WARS2: variants seen among roughly 807,000 people sequenced by gnomAD.
WARS2 encodes the protein tryptophan--tRNA ligase, mitochondrial.
A neutral mutation model predicts 36.5 loss-of-function variants in WARS2; 28 were observed. That is an observed-to-expected ratio of 0.77 (90% CI 0.57 to 1.05). The LOEUF (loss-of-function observed/expected upper bound fraction) is 1.05, where lower values mean the gene tolerates loss of function less well. Among genes scored for constraint, WARS2 ranks in the 50% least tolerant of loss-of-function variants. WARS2 has a pLI of 0.00. For synonymous variants in WARS2, 174 were observed against 178.4 expected, an observed-to-expected ratio of 0.98 and a Z score of 0.20; for missense variants, 435 against 456.8, an observed-to-expected ratio of 0.95 and a Z score of 0.44.
At chr1:119,100,774 C>T (rs1653798838) in intron 1 of WARS2, among the ~76,000 whole-genome samples, 1 of 152,126 alleles carries the variant, frequency 6.6e-6, no homozygotes, top group South Asian at 2.1e-4. Flanking sequence ...GATTCACCCA[C>T]CTCAGCCTCC....
At chr1:119,085,401 G>A (rs1652564291) in intron 1 of WARS2, 1 of 1,415,770 alleles carries the variant, frequency 7.1e-7, no homozygotes, top group South Asian at 1.2e-5. Context: ...CTTGCTTCTG[G>A]GTGACGAAGA....
At chr1:119,047,519 G>C (rs186409037) in intron 2 of WARS2, 20 of 152,254 alleles carry the variant, frequency 1.3e-4, no homozygotes, top group African/African-American at 4.8e-4. Context: ...GATCTTCCTG[G>C]TGTTTCCAAA....
chr1:119,085,041 C>T (rs587672770), intron 1 of WARS2: 28 of 673,974 alleles, frequency 4.2e-5, no homozygotes, highest in South Asian at 2.7e-4. Context: ...CTCCTGCTCC[C>T]GGCAGCGCTG....
chr1:119,096,421 C>T (rs35732418), intron 1 of WARS2, among the ~76,000 whole-genome samples: 8,463 of 152,166 alleles, frequency 0.056, 258 homozygotes, highest in South Asian at 0.081. Context: ...TACCATATCC[C>T]TTTTGCAGTA....
At chr1:119,133,524 C>A (rs1398046032) in intron 1 of WARS2, among the ~76,000 whole-genome samples, 1 of 152,162 alleles carries the variant, frequency 6.6e-6, no homozygotes, top group African/African-American at 2.4e-5. Context: ...TTTAACCTCC[C>A]AACATCGTCA....
chr1:119,106,915 C>T (rs928454145), intron 1 of WARS2, among the ~76,000 whole-genome samples: 1 of 152,188 alleles, frequency 6.6e-6, no homozygotes, highest in African/African-American at 2.4e-5. Context: ...TACTATTTTG[C>T]ATTCCCACCA....
At chr1:119,089,187 T>C (rs1348350468) in intron 1 of WARS2, among the ~76,000 whole-genome samples, 2 of 152,168 alleles carry the variant, frequency 1.3e-5, no homozygotes, top group Non-Finnish European at 2.9e-5. Context: ...TAAAATAGTT[T>C]ACAAAAAAGG....
intron 1 of WARS2, among the ~76,000 whole-genome samples, chr1:119,113,264 A>G (rs1455072705): frequency 2.0e-5 from 3 of 152,198 alleles, no homozygotes; most frequent in African/African-American, 7.2e-5. Context: ...GTATACTGCT[A>G]GGGCCTAGAA....
intron 1 of WARS2, among the ~76,000 whole-genome samples, chr1:119,124,296 C>A (rs753484571): frequency 7.2e-5 from 11 of 152,114 alleles, no homozygotes; most frequent in Non-Finnish European, 1.5e-4. Flanking sequence ...ATTTCGAGAC[C>A]AGCCTGACCA....
At chr1:119,105,010 G>C (rs1654135719) in intron 1 of WARS2, among the ~76,000 whole-genome samples, 1 of 152,176 alleles carries the variant, frequency 6.6e-6, no homozygotes. Flanking sequence ...TCTAGATCAA[G>C]AAATGATAGA....
intron 1 of WARS2, among the ~76,000 whole-genome samples, chr1:119,117,255 C>A (rs1655031136): frequency 6.6e-6 from 1 of 152,122 alleles, no homozygotes; most frequent in African/African-American, 2.4e-5. Flanking sequence ...CCTCCATCCC[C>A]CATAGTGGCT....
chr1:119,085,137 G>T, intron 1 of WARS2: 1 of 786,688 alleles, frequency 1.3e-6, no homozygotes. Flanking sequence ...GTACGGGCTA[G>T]AAAGTGTGCC....
chr1:119,114,336 G>C (rs1654833663), intron 1 of WARS2, among the ~76,000 whole-genome samples: 2 of 152,206 alleles, frequency 1.3e-5, no homozygotes, highest in Admixed American at 6.5e-5. Context: ...ACAATGCTTA[G>C]CAGGGATAAT....
At chr1:119,130,634 C>T (rs1452568170) in intron 1 of WARS2, among the ~76,000 whole-genome samples, 1 of 152,118 alleles carries the variant, frequency 6.6e-6, no homozygotes, top group East Asian at 1.9e-4. Context: ...AAAATGCACA[C>T]AAAAATGTAT....
At chr1:119,113,880 C>G (rs1401159703) in intron 1 of WARS2, among the ~76,000 whole-genome samples, 2 of 152,032 alleles carry the variant, frequency 1.3e-5, no homozygotes, top group African/African-American at 4.8e-5. Flanking sequence ...TAGCTCTTTT[C>G]ATTTACAATA....
At chr1:119,064,167 TTTGGAGCTTTAAGA>T (rs1650638245) in intron 2 of WARS2, 1 of 148,436 alleles carries the variant, frequency 6.7e-6, no homozygotes, top group Non-Finnish European at 1.5e-5. Context: ...AGGAGATCAT[TTTGGAGCTTTAAGA>T]TTTGACTGCC....
chr1:119,079,363 T>C (rs1296356632), intron 1 of WARS2, among the ~76,000 whole-genome samples: 1 of 152,158 alleles, frequency 6.6e-6, no homozygotes, highest in African/African-American at 2.4e-5. Flanking sequence ...TGGCCCTTTA[T>C]ACGTATCAAT....
At chr1:119,090,501 G>C (rs1652967319) in intron 1 of WARS2, among the ~76,000 whole-genome samples, 1 of 152,194 alleles carries the variant, frequency 6.6e-6, no homozygotes, top group Non-Finnish European at 1.5e-5. Flanking sequence ...GGAAATGGGA[G>C]TAATGATTTC....
chr1:119,111,975 T>C (rs937920870), intron 1 of WARS2, among the ~76,000 whole-genome samples: 3 of 151,970 alleles, frequency 2.0e-5, no homozygotes, highest in Non-Finnish European at 4.4e-5. Flanking sequence ...CAGGCTGGAG[T>C]GCAGTGGTGC....
Sources: gnomAD v4.1 joint callset for allele counts (sites outside exome capture counted in the v4.1 genomes callset) on GRCh38, gnomAD v4.1.1 for gene constraint, MANE v1.5 for transcripts, NCBI Gene and HGNC (gene_info 2026-07-23, HGNC 2026-07-21) for gene names.